The following DNAJC6 variants were observed in gnomAD, a reference collection of about 807,000 sequenced individuals.
The protein encoded by DNAJC6 is auxilin.
DNAJC6 carries 34 observed loss-of-function variants against 110.0 expected under a neutral mutation model. That is an observed-to-expected ratio of 0.31 (90% CI 0.24 to 0.41). The LOEUF is 0.41. Ranked by LOEUF, DNAJC6 falls within the 10% of genes least tolerant of loss-of-function variation. DNAJC6 has a pLI of 1.00. For missense variants in DNAJC6, 1,031 were observed against 1,207.8 expected, an observed-to-expected ratio of 0.85 and a Z score of 2.17; for synonymous variants, 406 against 437.2, an observed-to-expected ratio of 0.93 and a Z score of 0.89.
intron 1 of DNAJC6, among the ~76,000 whole-genome samples, chr1:65,354,136 G>A (rs778561965): frequency 1.1e-4 from 16 of 152,126 alleles, no homozygotes; most frequent in Non-Finnish European, 2.4e-4. Flanking sequence ...TGAGTTGAGG[G>A]GAGGTAGACT....
chr1:65,394,862 T>C (rs780234734), intron 12 of DNAJC6, 36 bp from the exon 13 acceptor site: 1 of 1,548,232 alleles, frequency 6.5e-7, no homozygotes, highest in East Asian at 2.4e-5. Context: ...AATGAACTCA[T>C]GGGACAAATA....
intron 1 of DNAJC6, among the ~76,000 whole-genome samples, chr1:65,268,470 T>C (rs78957450): frequency 6.6e-6 from 1 of 152,344 alleles, no homozygotes; most frequent in East Asian, 1.9e-4. Flanking sequence ...AATTAACAAC[T>C]GTTATGTGAA....
At chr1:65,332,693 C>T (rs774737331) in intron 1 of DNAJC6, among the ~76,000 whole-genome samples, 2 of 152,146 alleles carry the variant, frequency 1.3e-5, no homozygotes, top group African/African-American at 2.4e-5. Flanking sequence ...ATTAAACTCA[C>T]CTTAGGAAGT....
chr1:65,401,993 G>A lies in DNAJC6; in HGVS notation c.2227+113G>A, dbSNP rs147688501. 5.9e-4 allele frequency: 840 copies of A among 1,420,604 alleles called. 9 individuals carry two copies. The East Asian group carries it at 0.02, about 34-fold the overall frequency. The allele number at this position is 1,420,604 out of a possible 1,614,324, so 88.0% of individuals were successfully genotyped here. ...GTATTGTCACCTGGAACCTCAAATA[G>A]TGTGTATTCTTAAGCTATCCTCTGA... On this transcript the variant is annotated intron_variant, in intron 15 of 18. Coordinates refer to ENST00000371069, the MANE Select transcript of DNAJC6 (RefSeq NM_001256864.2).
At chr1:65,381,414 T>G (rs1036456163) in intron 5 of DNAJC6, among the ~76,000 whole-genome samples, 7 of 151,780 alleles carry the variant, frequency 4.6e-5, no homozygotes, top group African/African-American at 1.7e-4. Context: ...CCAGGTGTGG[T>G]GCTGTGCACC....
At chr1:65,267,154 C>T (rs1310071618) in intron 1 of DNAJC6, among the ~76,000 whole-genome samples, 1 of 152,132 alleles carries the variant, frequency 6.6e-6, no homozygotes, top group Non-Finnish European at 1.5e-5. Context: ...GCCTCGGCCT[C>T]CCAAAGTGCT....
At chr1:65,346,549 A>G (rs1178726609) in intron 1 of DNAJC6, among the ~76,000 whole-genome samples, 1 of 152,078 alleles carries the variant, frequency 6.6e-6, no homozygotes, top group Non-Finnish European at 1.5e-5. Context: ...AGGAAACAAC[A>G]TTATATCCTG....
rs1168099693 is a variant in DNAJC6, at chr1:65,413,314, GGGAAAT to G, written c.*295_*300del. On this transcript the variant is annotated 3_prime_UTR_variant, in exon 19 of 19. Transcript: ENST00000371069. ...GGGAGCCTACTCAGCATTCTACCTG[GGGAAAT>G]GGAAAACAGAGGCCACCACCCATGA... 7 of 294,686 alleles carry G rather than the reference GGGAAAT, an allele frequency of 2.4e-5. No homozygotes were observed. Among genetic ancestry groups the G allele is most frequent in the Non-Finnish European group, 4.5e-5 (7 of 157,042 alleles). The allele number at this position is 294,686 out of a possible 1,614,324, so 18.3% of individuals were successfully genotyped here.
intron 1 of DNAJC6, among the ~76,000 whole-genome samples, chr1:65,302,274 T>A (rs61779348): frequency 4.0e-4 from 8 of 19,980 alleles, no homozygotes; most frequent in African/African-American, 8.2e-4. Flanking sequence ...TATTATATAT[T>A]ATATAATATA....
chr1:65,337,058 C>T (rs569781304), intron 1 of DNAJC6, among the ~76,000 whole-genome samples: 1 of 151,644 alleles, frequency 6.6e-6, no homozygotes, highest in East Asian at 1.9e-4. Context: ...TAGATTTTCC[C>T]CAAGTCTAGA....
chr1:65,406,687 A>G lies in DNAJC6; in HGVS notation c.2491+554A>G, dbSNP rs115151113. 8.5e-3 allele frequency among the ~76,000 whole-genome samples: 1,297 copies of G among 152,314 alleles called. 20 individuals are homozygous for G. The highest frequency in any genetic ancestry group is 0.029 in the African/African-American group (1,195 of 41,560). ...GATTCCTGAGATCAGCGGGGTACCTATGATGGTGCCAACACCTGAGGCTGG... is the reference window on the plus strand; with the variant it reads ...GATTCCTGAGATCAGCGGGGTACCTGTGATGGTGCCAACACCTGAGGCTGG... On this transcript the variant is annotated intron_variant, in intron 16 of 18. Transcript: ENST00000371069.
At chr1:65,412,624 G>A (rs1382788635) in intron 18 of DNAJC6, among the ~76,000 whole-genome samples, 2 of 152,194 alleles carry the variant, frequency 1.3e-5, no homozygotes. Flanking sequence ...GGGCTGTCAT[G>A]AACCTTTGTC....
In DNAJC6 at chr1:65,380,924, T is replaced by TTTTTTTTTG. The variant is rs1557552095; in HGVS notation, c.666+1408_666+1409insGTTTTTTTT. Among the ~76,000 whole-genome samples, 7 of 133,252 alleles carry TTTTTTTTTG rather than the reference T, an allele frequency of 5.3e-5. 1 individual carries two copies. The highest frequency in any genetic ancestry group is 1.3e-4 in the African/African-American group (4 of 29,774). 87.4% of individuals were successfully genotyped at this position (133,252 alleles called of 152,430 possible). A position where few individuals can be genotyped will look rare whatever the true frequency, so the allele number is the denominator to read the frequency against. On this transcript the variant is annotated intron_variant, in intron 5 of 18. Coordinates refer to ENST00000371069, the MANE Select transcript of DNAJC6 (RefSeq NM_001256864.2). ...TTTTTGTTTTTTGTTTTGTTTTGTT[T>TTTTTTTTTG]TTTTTTTTTTTTTGGGACCGAGTCT...
At chr1:65,363,156 C>T (rs569156707) in intron 1 of DNAJC6, among the ~76,000 whole-genome samples, 1 of 152,210 alleles carries the variant, frequency 6.6e-6, no homozygotes, top group South Asian at 2.1e-4. Context: ...GGGGAAAATC[C>T]ACCTCCATGA....
intron 5 of DNAJC6, among the ~76,000 whole-genome samples, chr1:65,380,792 T>C (rs1008592580): frequency 6.6e-6 from 1 of 151,840 alleles, no homozygotes; most frequent in African/African-American, 2.4e-5. Flanking sequence ...AAGATTATGG[T>C]TCTACAGGGT....
chr1:65,372,952 T>C (rs1245347891), intron 4 of DNAJC6, among the ~76,000 whole-genome samples: 1 of 152,198 alleles, frequency 6.6e-6, no homozygotes, highest in Non-Finnish European at 1.5e-5. Flanking sequence ...TTTTTCCTCC[T>C]TCAAACCCTC....
At chr1:65,360,176 G>A (rs552466817) in intron 1 of DNAJC6, among the ~76,000 whole-genome samples, 1 of 152,342 alleles carries the variant, frequency 6.6e-6, no homozygotes, top group Non-Finnish European at 1.5e-5. Flanking sequence ...TGGCACTTAT[G>A]TGGCTCATCA....
intron 1 of DNAJC6, among the ~76,000 whole-genome samples, chr1:65,266,276 A>AG (rs1653327448): frequency 1.5e-5 from 1 of 66,532 alleles, no homozygotes; most frequent in South Asian, 1.2e-3. Context: ...TAGAAAAAGA[A>AG]GGAAAAAAAA....
chr1:65,410,790 T>C (rs1646121220), intron 17 of DNAJC6, among the ~76,000 whole-genome samples: 1 of 152,220 alleles, frequency 6.6e-6, no homozygotes, highest in Admixed American at 6.5e-5. Context: ...GAAATAATAC[T>C]TTTCCTCAAA....
Sources: gnomAD v4.1 joint callset for allele counts (sites outside exome capture counted in the v4.1 genomes callset) on GRCh38, gnomAD v4.1.1 for gene constraint, MANE v1.5 for transcripts, NCBI Gene and HGNC (gene_info 2026-07-23, HGNC 2026-07-21) for gene names.